The following SLC5A10 variants were observed in gnomAD, a reference collection of about 807,000 sequenced individuals.
SLC5A10 encodes the protein sodium/mannose cotransporter SLC5A10.
SLC5A10 carries 55 observed loss-of-function variants against 68.9 expected under a neutral mutation model. The observed-to-expected ratio is 0.80, with a 90% CI of 0.64 to 1.00. The LOEUF (loss-of-function observed/expected upper bound fraction) is 1.00. Among genes scored for constraint, SLC5A10 ranks in the 50% least tolerant of loss-of-function variants. The pLI, the probability that SLC5A10 is intolerant of heterozygous loss-of-function variation, is 0.00. For synonymous variants in SLC5A10, 344 were observed against 344.8 expected (o/e 1.00, Z 0.02); for missense variants, 732 against 819.3 (o/e 0.89, Z 1.30).
Position 19,019,802 on chromosome 17 carries a change from G to C in SLC5A10, c.1500G>C (p.Glu500Asp). The C allele has an allele frequency of 6.2e-7, 1 of 1,613,358 alleles. No individual in the cohort carries two copies. The highest frequency in any genetic ancestry group is 8.5e-7 in the Non-Finnish European group (1 of 1,179,878). Residue 500 changes from glutamate to aspartate, a missense_variant, in exon 13 of 15, where the codon GAG becomes GAC. By Grantham distance (45) the Glu-to-Asp change is conservative. Transcript: ENST00000395645. ...TGAACCCAGCCCCACCGTGCGGAGAGCCAGACACGCGGCCAGCCGTCCTGG... is the reference window on the plus strand; with the variant it reads ...TGAACCCAGCCCCACCGTGCGGAGACCCAGACACGCGGCCAGCCGTCCTGG... ...EFLNPAPPCGEPDTRPAVLGS... is the reference protein window; with the variant it reads ...EFLNPAPPCGDPDTRPAVLGS...
Position 19,021,032 on chromosome 17 carries a change from A to G in SLC5A10, c.*601A>G, listed in dbSNP as rs9896426. 22 of 152,712 alleles carry G rather than the reference A, an allele frequency of 1.4e-4. No homozygotes were observed. Among genetic ancestry groups the G allele is most frequent in the African/African-American group, 4.6e-4 (19 of 41,358 alleles). The allele number at this position is 152,712 out of a possible 1,614,324, so 9.5% of individuals were successfully genotyped here. A position where few individuals can be genotyped will look rare whatever the true frequency, so the allele number is the denominator to read the frequency against. ...GCAGGCCCTGCTCATATCCCTGATC[A>G]TGGCACATTCTCTGGAGGACCCTCC... On this transcript the variant is annotated 3_prime_UTR_variant, in exon 15 of 15. Transcript: ENST00000395645. This position sits in a 1 kb window ranked among gnomAD's most constrained non-coding sequence, Gnocchi z 4.1.
chr17:18,977,370 G>A (rs903845623), intron 9 of SLC5A10: 10 of 598,668 alleles, frequency 1.7e-5, no homozygotes, highest in Non-Finnish European at 2.9e-5. Context: ...TTTTCAGGAT[G>A]CTGGGACCAA....
At chr17:18,953,389 C>G (rs2042415608) in intron 1 of SLC5A10, among the ~76,000 whole-genome samples, 1 of 152,106 alleles carries the variant, frequency 6.6e-6, no homozygotes, top group Non-Finnish European at 1.5e-5. Context: ...GCCTCGGCCT[C>G]CCAAAGTGCT....
At position 19,022,415 on chromosome 17, in the gene SLC5A10, A is replaced by ACCT. The variant is rs1221396740; in HGVS notation, c.*1985_*1987dup. The ACCT allele has an allele frequency of 1.1e-5, 4 of 370,900 alleles. No homozygotes were observed. The highest frequency in any genetic ancestry group is 1.4e-5 in the Non-Finnish European group (3 of 208,714). The allele number at this position is 370,900 out of a possible 1,614,324, so 23.0% of individuals were successfully genotyped here. On this transcript the variant is annotated 3_prime_UTR_variant, in exon 15 of 15. Transcript: ENST00000395645. ...GACAATAGGGCTGGTGGGTCAGGGG[A>ACCT]CCTGAGTCCTGGTCCTTAGGGTGGG...
In SLC5A10 at chr17:19,020,443, T is replaced by C. The variant is rs756488648; in HGVS notation, c.*12T>C. The C allele has an allele frequency of 2.0e-5, 33 of 1,612,914 alleles. No individual in the cohort carries two copies. The highest frequency in any genetic ancestry group is 1.7e-4 in the Middle Eastern group (1 of 6,044). On this transcript the variant is annotated 3_prime_UTR_variant, in exon 15 of 15. Transcript: ENST00000395645. ...CCTACTTCGCCTGACACTGCCATCC[T>C]GGACAGAAAGGCAGGAGCTCTGAGT...
intron 4 of SLC5A10, among the ~76,000 whole-genome samples, 165 bp from the exon 5 acceptor site, chr17:18,960,375 GGGATTCCA>G: frequency 6.6e-6 from 1 of 152,358 alleles, no homozygotes; most frequent in East Asian, 1.9e-4. Context: ...GGAGCAGCCC[GGGATTCCA>G]GGCCGGGTGC....
Position 18,971,517 on chromosome 17 carries a change from C to G in SLC5A10, c.846+299C>G. ...GGATGCTCCTCGGTGGCCCTGCCAT[C>G]GGTCATGGGGCGGGCATTTTGGGCC... On this transcript the variant is annotated intron_variant, in intron 8 of 14. Coordinates refer to ENST00000395645, the MANE Select transcript of SLC5A10 (RefSeq NM_001042450.4). The surrounding 1 kb of genome is among the most constrained non-coding windows in gnomAD (Gnocchi z 5.5). 6.2e-7 allele frequency: 1 copy of G among 1,613,990 alleles called. No individual in the cohort carries two copies. Among genetic ancestry groups the G allele is most frequent in the Non-Finnish European group, 8.5e-7 (1 of 1,180,012 alleles).
At chr17:18,958,551 A>G in intron 1 of SLC5A10, 131 bp from the exon 2 acceptor site, 1 of 670,122 alleles carries the variant, frequency 1.5e-6, no homozygotes, top group East Asian at 2.7e-5. Flanking sequence ...ACATATACCT[A>G]GGAGTGGAAC....
intron 12 of SLC5A10, 32 bp from the exon 13 acceptor site, chr17:19,019,681 A>G (rs2044219834): frequency 6.2e-7 from 1 of 1,603,758 alleles, no homozygotes; most frequent in African/African-American, 1.3e-5. Context: ...CTCCTCCCGT[A>G]GCCCCACATG....
intron 5 of SLC5A10, among the ~76,000 whole-genome samples, chr17:18,964,423 T>C (rs1382116120): frequency 6.6e-6 from 1 of 152,192 alleles, no homozygotes; most frequent in Non-Finnish European, 1.5e-5. Context: ...GGTTCTGGGC[T>C]GCCACTCCCT....
chr17:18,977,328 A>T, intron 9 of SLC5A10: 1 of 582,474 alleles, frequency 1.7e-6, no homozygotes, highest in Non-Finnish European at 3.0e-6. Flanking sequence ...GGAGACCTCT[A>T]GGTGGGGAAA....
intron 5 of SLC5A10, among the ~76,000 whole-genome samples, chr17:18,962,708 C>T (rs1173334103): frequency 1.3e-5 from 2 of 152,070 alleles, no homozygotes; most frequent in Admixed American, 1.3e-4. Flanking sequence ...GTACTTTGTG[C>T]TCTCTGGAAT....
rs551123136 is a variant in SLC5A10 at position 19,013,532 on chromosome 17, G to C, written c.1090+15G>C. The stretch of plus-strand genomic sequence containing the variant: ...GATGCCCATCGGTGAGGCTGTGTGG[G>C]TGGGGGTCTGGGTGGAGGGCGTGGG... On this transcript the variant is annotated intron_variant, in intron 10 of 14. Transcript: ENST00000395645. 1.4e-5 allele frequency: 20 copies of C among 1,450,148 alleles called. No homozygotes were observed. The East Asian group carries it at 4.4e-4, about 32-fold the overall frequency. The allele number at this position is 1,450,148 out of a possible 1,614,324, so 89.8% of individuals were successfully genotyped here. A position where few individuals can be genotyped will look rare whatever the true frequency, so the allele number is the denominator to read the frequency against.
rs774236927 is a variant in SLC5A10 at position 19,022,082 on chromosome 17, G to A, written c.*1651G>A. 5.0e-6 allele frequency: 8 copies of A among 1,589,914 alleles called. No individual in the cohort carries two copies. On this transcript the variant is annotated 3_prime_UTR_variant, in exon 15 of 15. Coordinates refer to ENST00000395645, the MANE Select transcript of SLC5A10 (RefSeq NM_001042450.4). ...CAATGATGTCGCCACGGCGGAAGCT[G>A]AGCTGCGAGGGGTCCTGGGCTGAGA...
chr17:18,965,056 A>G (rs1254589379), intron 5 of SLC5A10, among the ~76,000 whole-genome samples: 1 of 151,026 alleles, frequency 6.6e-6, no homozygotes, highest in Non-Finnish European at 1.5e-5. Context: ...AGGCAGGAAA[A>G]TCGCTTGAAC....
chr17:19,020,267 G>A, intron 14 of SLC5A10, 55 bp downstream of exon 14: 2 of 1,609,932 alleles, frequency 1.2e-6, no homozygotes, highest in Non-Finnish European at 1.7e-6. Flanking sequence ...GGAGGCAAGG[G>A]CACCAGGTGT....
chr17:18,998,748 C>A (rs150751100), intron 9 of SLC5A10, among the ~76,000 whole-genome samples: 1 of 152,356 alleles, frequency 6.6e-6, no homozygotes, highest in African/African-American at 2.4e-5. Flanking sequence ...GATGGTTCCC[C>A]ACCCACTCTC....
chr17:18,984,396 C>T (rs2043215664), intron 9 of SLC5A10, among the ~76,000 whole-genome samples: 1 of 151,744 alleles, frequency 6.6e-6, no homozygotes, highest in East Asian at 1.9e-4. Flanking sequence ...CAGACCCAGG[C>T]CCAGGTAGAG....
At chr17:18,976,015 G>A (rs573443639) in intron 8 of SLC5A10, 2 of 151,394 alleles carry the variant, frequency 1.3e-5, no homozygotes, top group Non-Finnish European at 2.9e-5. Flanking sequence ...GTGAAACCTC[G>A]TCTCTATTTT....
Sources: gnomAD v4.1 joint callset for allele counts (sites outside exome capture counted in the v4.1 genomes callset) on GRCh38, gnomAD v4.1.1 for gene constraint, Gnocchi (gnomAD v3.1) non-coding constraint, MANE v1.5 for transcripts, NCBI Gene and HGNC (gene_info 2026-07-23, HGNC 2026-07-21) for gene names.